Variants in DLGAP2 observed in about 807,000 individuals in gnomAD.
The protein encoded by DLGAP2 is DLG associated protein 2.
A neutral mutation model predicts 100.3 loss-of-function variants in DLGAP2; 26 were observed. The observed-to-expected ratio is 0.26, with a 90% CI of 0.19 to 0.36. DLGAP2 has a LOEUF of 0.36. Ranked by LOEUF, DLGAP2 falls within the 10% of genes least tolerant of loss-of-function variation. The pLI is 1.00. For missense variants in DLGAP2, 1,858 were observed against 1,453.2 expected, an observed-to-expected ratio of 1.28 and a Z score of -4.53; for synonymous variants, 886 against 630.1, an observed-to-expected ratio of 1.41 and a Z score of -6.08.
At chr8:1,107,659 T>C (rs1182037673) in intron 2 of DLGAP2, among the ~76,000 whole-genome samples, 1 of 152,240 alleles carries the variant, frequency 6.6e-6, no homozygotes, top group Non-Finnish European at 1.5e-5. Flanking sequence ...TTCCTGAGGC[T>C]TTATTTCCCC....
intron 3 of DLGAP2, chr8:1,379,473 C>G (rs1279093369): frequency 6.6e-6 from 1 of 152,314 alleles, no homozygotes; most frequent in Non-Finnish European, 1.5e-5. Flanking sequence ...CTCCTCATGG[C>G]GAATTTCCTC....
intron 2 of DLGAP2, among the ~76,000 whole-genome samples, chr8:921,422 C>G (rs186558102): frequency 1.2e-3 from 181 of 152,262 alleles, no homozygotes; most frequent in Non-Finnish European, 2.2e-3. Context: ...TTTCTGTGTC[C>G]ACGTGTCCAC....
chr8:1,354,176 C>A (rs1801796536), intron 3 of DLGAP2, among the ~76,000 whole-genome samples: 1 of 152,100 alleles, frequency 6.6e-6, no homozygotes, highest in Non-Finnish European at 1.5e-5. Context: ...TTAAAAACAA[C>A]CTGCTCACCA....
At chr8:1,360,461 G>A (rs1213620644) in intron 3 of DLGAP2, among the ~76,000 whole-genome samples, 2 of 112,024 alleles carry the variant, frequency 1.8e-5, no homozygotes, top group Non-Finnish European at 1.8e-5. Context: ...ACTCCAGGAA[G>A]CAAATTGAAG....
Position 1,412,107 on chromosome 8 carries a change from C to T in DLGAP2, c.107-89259C>T, listed in dbSNP as rs117505334. ...CATTCCTGCCTCCAGGCCTCTCAAG[C>T]ATGGGCTGGGCTTGCTGCATCTCCC... On this transcript the variant is annotated intron_variant, in intron 3 of 14. Transcript: ENST00000637795. Among the ~76,000 whole-genome samples, 533 of 152,366 alleles carry T rather than the reference C, an allele frequency of 3.5e-3. 9 individuals carry two copies. In the East Asian group the frequency reaches 0.048, roughly 14 times the overall value.
At chr8:1,360,951 C>T (rs552337542) in intron 3 of DLGAP2, among the ~76,000 whole-genome samples, 1 of 152,184 alleles carries the variant, frequency 6.6e-6, no homozygotes. Flanking sequence ...AGCACAGTGC[C>T]GAGTGTCTAA....
chr8:1,671,087 G>A (rs1798679671), intron 10 of DLGAP2, among the ~76,000 whole-genome samples: 1 of 152,252 alleles, frequency 6.6e-6, no homozygotes, highest in Admixed American at 6.5e-5. Flanking sequence ...TGGGAAAACT[G>A]AGGCTCAGGG....
intron 1 of DLGAP2, among the ~76,000 whole-genome samples, chr8:810,817 A>G (rs1796356618): frequency 6.6e-6 from 1 of 152,186 alleles, no homozygotes; most frequent in Non-Finnish European, 1.5e-5. Flanking sequence ...TCTGTCTGAC[A>G]CACTTCTAGT....
chr8:1,176,855 T>C (rs1347196096), intron 2 of DLGAP2, among the ~76,000 whole-genome samples: 2 of 151,964 alleles, frequency 1.3e-5, no homozygotes, highest in African/African-American at 4.8e-5. Context: ...CACCCTCTCA[T>C]GGAGTAGCAG....
intron 2 of DLGAP2, among the ~76,000 whole-genome samples, chr8:1,098,131 C>T (rs1563190435): frequency 6.6e-6 from 1 of 152,270 alleles, no homozygotes; most frequent in Non-Finnish European, 1.5e-5. Context: ...CGCCACTGGA[C>T]ACACGTCCCT....
At chr8:1,311,767 T>G (rs550223661) in intron 3 of DLGAP2, among the ~76,000 whole-genome samples, 17 of 151,760 alleles carry the variant, frequency 1.1e-4, no homozygotes, top group Non-Finnish European at 2.1e-4. Flanking sequence ...ATAAAGGGCA[T>G]TTATGAAAAG....
chr8:812,329 A>G (rs941492345), intron 1 of DLGAP2, among the ~76,000 whole-genome samples: 5 of 152,122 alleles, frequency 3.3e-5, no homozygotes, highest in South Asian at 2.1e-4. Flanking sequence ...CTGACTGCCC[A>G]TGGGGGATGG....
At chr8:1,690,467 G>A (rs1020232518) in intron 12 of DLGAP2, among the ~76,000 whole-genome samples, 2 of 151,902 alleles carry the variant, frequency 1.3e-5, no homozygotes, top group Admixed American at 6.6e-5. Context: ...CTTTTTGGGA[G>A]GCTGAGATGG....
intron 4 of DLGAP2, among the ~76,000 whole-genome samples, chr8:1,534,951 C>T (rs1458096107): frequency 1.3e-5 from 2 of 152,218 alleles, no homozygotes; most frequent in Non-Finnish European, 2.9e-5. Flanking sequence ...ATCTTCTTGG[C>T]CAGCTCCATT....
At chr8:1,175,532 T>A (rs767733732) in intron 2 of DLGAP2, among the ~76,000 whole-genome samples, 23 of 152,292 alleles carry the variant, frequency 1.5e-4, no homozygotes, top group Non-Finnish European at 2.8e-4. Flanking sequence ...AGGCTGTCAG[T>A]GGAAGGGAGA....
chr8:1,464,319 G>GCCCTTCCAGGACGGCA lies in DLGAP2; in HGVS notation c.107-37018_107-37003dup. Among the ~76,000 whole-genome samples the GCCCTTCCAGGACGGCA allele has an allele frequency of 4.4e-5, 2 of 45,916 alleles. 1 individual carries two copies. The highest frequency in any genetic ancestry group is 2.1e-4 in the African/African-American group (2 of 9,524). The allele number at this position is 45,916 out of a possible 152,430, so 30.1% of individuals were successfully genotyped here. The stretch of plus-strand genomic sequence containing the variant: ...CAGGATGGCACCCTTCCAGGACAAC[G>GCCCTTCCAGGACGGCA]CCCTTCCAGGACGGCACCCTTCCAG... On this transcript the variant is annotated intron_variant, in intron 3 of 14. Coordinates refer to ENST00000637795, the MANE Select transcript of DLGAP2 (RefSeq NM_001346810.2).
chr8:1,166,979 A>G (rs1338443054), intron 2 of DLGAP2, among the ~76,000 whole-genome samples: 1 of 152,116 alleles, frequency 6.6e-6, no homozygotes, highest in Admixed American at 6.5e-5. Flanking sequence ...AAAAAATTTT[A>G]CAAAAACTTA....
chr8:895,043 GC>G (rs965419159), intron 1 of DLGAP2, among the ~76,000 whole-genome samples: 4 of 147,334 alleles, frequency 2.7e-5, no homozygotes, highest in Non-Finnish European at 4.5e-5. Flanking sequence ...GGCTGGCAGG[GC>G]TGGGGTGGGT....
intron 8 of DLGAP2, among the ~76,000 whole-genome samples, chr8:1,634,197 G>T (rs6980650): frequency 0.078 from 11,948 of 152,276 alleles, 1,509 homozygotes; most frequent in African/African-American, 0.27. Context: ...TTCAAGAGAA[G>T]CTGTAGCCAT....
Sources: allele counts gnomAD v4.1 joint callset (sites outside exome capture counted in the v4.1 genomes callset), GRCh38; gene constraint gnomAD v4.1.1; transcripts MANE v1.5; gene names NCBI Gene and HGNC (gene_info 2026-07-23, HGNC 2026-07-21).